FAM156A: variants seen among roughly 807,000 people sequenced by gnomAD.
FAM156A encodes the protein family with sequence similarity 156 member A, also known as protein FAM156A/FAM156B.
chrX:52,990,797 G>GAAAAGAAAGAAAAGAAAAAAGA (rs10547016), intron 1 of FAM156A, among the ~76,000 whole-genome samples: 1 of 69,599 alleles, frequency 1.4e-5, no homozygotes, highest in Admixed American at 2.0e-4. Flanking sequence ...GAAAAGAAAA[G>GAAAAGAAAGAAAAGAAAAAAGA]AAAGAAAAGA....
chrX:52,983,853 C>A (rs4986583), intron 1 of FAM156A, among the ~76,000 whole-genome samples: 19,289 of 112,147 alleles, frequency 0.17, 1,246 homozygotes, highest in Middle Eastern at 0.23. Context: ...GAGACAACAG[C>A]TAGCTGCTGT....
At chrX:52,993,603 C>T (rs1268293548) in intron 1 of FAM156A, among the ~76,000 whole-genome samples, 9 of 109,242 alleles carry the variant, frequency 8.2e-5, no homozygotes, top group Non-Finnish European at 1.3e-4. Flanking sequence ...TCAGTAGAGA[C>T]GGGGTTTCAT....
At chrX:52,990,719 G>A (rs1556795280) in intron 1 of FAM156A, among the ~76,000 whole-genome samples, 1 of 109,122 alleles carries the variant, frequency 9.2e-6, no homozygotes, top group Admixed American at 1.0e-4. Flanking sequence ...GGGAGGTGCA[G>A]GTTGCAGTGA....
intron 1 of FAM156A, among the ~76,000 whole-genome samples, chrX:52,974,953 C>A (rs1333728861): frequency 9.1e-6 from 1 of 110,033 alleles, no homozygotes; most frequent in Non-Finnish European, 1.9e-5. Flanking sequence ...CGGGAATGAG[C>A]AAAGGCAGTT....
At chrX:52,975,051 T>C (rs5951163) in intron 1 of FAM156A, among the ~76,000 whole-genome samples, 44 of 83,632 alleles carry the variant, frequency 5.3e-4, no homozygotes, top group Middle Eastern at 6.5e-3. Flanking sequence ...GTTAAACACA[T>C]ACACACACAC....
At chrX:52,987,182 A>G (rs1556794614) in intron 1 of FAM156A, among the ~76,000 whole-genome samples, 2 of 111,985 alleles carry the variant, frequency 1.8e-5, no homozygotes, top group African/African-American at 6.5e-5. Context: ...TGAAAGAAAT[A>G]AAGGAACAAT....
At chrX:52,975,506 C>T (rs782069991) in intron 1 of FAM156A, among the ~76,000 whole-genome samples, 1 of 112,155 alleles carries the variant, frequency 8.9e-6, no homozygotes, top group Non-Finnish European at 1.9e-5. Context: ...CTGGCATTCA[C>T]TCCCCCAATT....
intron 1 of FAM156A, among the ~76,000 whole-genome samples, chrX:52,974,817 C>T (rs1407313270): frequency 9.0e-6 from 1 of 110,660 alleles, no homozygotes; most frequent in Non-Finnish European, 1.9e-5. Flanking sequence ...TTTCACACAA[C>T]ATTGCTGCTT....
At chrX:52,973,815 G>A (rs1405914757) in intron 1 of FAM156A, among the ~76,000 whole-genome samples, 1 of 110,426 alleles carries the variant, frequency 9.1e-6, no homozygotes. Context: ...GGTGCACGCC[G>A]CCACGCCTGG....
chrX:52,994,495 C>G (rs1239492323), intron 1 of FAM156A, among the ~76,000 whole-genome samples: 1 of 110,845 alleles, frequency 9.0e-6, no homozygotes, highest in Non-Finnish European at 1.9e-5. Context: ...GGCAGAGACC[C>G]CTCCCTCCTC....
intron 1 of FAM156A, among the ~76,000 whole-genome samples, chrX:52,974,350 G>A (rs1179122898): frequency 8.9e-6 from 1 of 112,208 alleles, no homozygotes; most frequent in Non-Finnish European, 1.9e-5. Flanking sequence ...TCAGTAGATT[G>A]ACCATTATCC....
chrX:52,988,840 A>C (rs1930490926), intron 1 of FAM156A, among the ~76,000 whole-genome samples: 1 of 112,284 alleles, frequency 8.9e-6, no homozygotes, highest in Non-Finnish European at 1.9e-5. Context: ...TTATTTATGC[A>C]ACTTCTTATT....
intron 1 of FAM156A, among the ~76,000 whole-genome samples, chrX:52,983,171 T>C (rs1012284110): frequency 5.3e-5 from 6 of 112,168 alleles, no homozygotes; most frequent in Non-Finnish European, 5.6e-5. Flanking sequence ...GAGGATTGCT[T>C]GAACCCAGAA....
At chrX:52,989,583 C>T (rs1467244271) in intron 1 of FAM156A, among the ~76,000 whole-genome samples, 16 of 112,528 alleles carry the variant, frequency 1.4e-4, no homozygotes, top group African/African-American at 4.8e-4. Context: ...CTGGGTGGGC[C>T]GTGCCTCACC....
rs1806559462 is a variant in FAM156A, at chrX:52,982,851, G to C, written c.-434+12455C>G. Among the ~76,000 whole-genome samples the C allele has an allele frequency of 2.7e-5, 3 of 113,127 alleles. No individual in the cohort carries two copies. The Admixed American group carries it at 2.8e-4, about 11-fold the overall frequency. ...TCTCTATCATTTATTTCACGAGCAG[G>C]CTGGAAAAGTTCAATGCTTTGCTGG... On this transcript the variant is annotated intron_variant, in intron 1 of 4. Coordinates refer to the FAM156A transcript ENST00000610625.
chrX:52,973,465 A>AT (rs1175951653), intron 1 of FAM156A, among the ~76,000 whole-genome samples: 78 of 108,759 alleles, frequency 7.2e-4, no homozygotes, highest in African/African-American at 2.4e-3. Flanking sequence ...AATCAGCACA[A>AT]TTTTTTTTAA....
chrX:52,993,137 T>C (rs1930901327), intron 1 of FAM156A, among the ~76,000 whole-genome samples: 2 of 111,394 alleles, frequency 1.8e-5, no homozygotes, highest in South Asian at 7.5e-4. Context: ...TGTCAATGAG[T>C]GCCACATGTC....
intron 1 of FAM156A, among the ~76,000 whole-genome samples, chrX:52,977,295 G>A (rs782604491): frequency 2.8e-5 from 3 of 107,878 alleles, no homozygotes; most frequent in African/African-American, 1.0e-4. Context: ...TCCCTGCCCC[G>A]CACACCTTCA....
chrX:52,986,751 A>G (rs1930322497), intron 1 of FAM156A, among the ~76,000 whole-genome samples: 1 of 111,707 alleles, frequency 9.0e-6, no homozygotes, highest in Non-Finnish European at 1.9e-5. Flanking sequence ...CTTATATTAT[A>G]CTTAATAAAG....
Sources: allele counts gnomAD v4.1 joint callset (sites outside exome capture counted in the v4.1 genomes callset), GRCh38; gene constraint gnomAD v4.1.1; transcripts MANE v1.5; gene names NCBI Gene and HGNC (gene_info 2026-07-23, HGNC 2026-07-21).